PTPRD: variants seen among roughly 807,000 people sequenced by gnomAD.
PTPRD encodes protein tyrosine phosphatase receptor type D.
In PTPRD, 34 loss-of-function variants were observed where a neutral mutation model predicts 214.5. The observed-to-expected ratio is 0.16, with a 90% CI of 0.12 to 0.21. The LOEUF (loss-of-function observed/expected upper bound fraction) is 0.21, where lower values mean the gene tolerates loss of function less well. Ranked by LOEUF, PTPRD falls within the 10% of genes least tolerant of loss-of-function variation. The probability of loss-of-function intolerance (pLI) is 1.00; values close to 1 mark genes in which losing one functional copy is unlikely to be tolerated. For missense variants in PTPRD, 2,545 were observed against 2,398.7 expected (o/e 1.06, Z -1.27); for synonymous variants, 1,128 against 845.7 (o/e 1.33, Z -5.79).
chr9:8,627,212 A>G (rs952844431), intron 14 of PTPRD, among the ~76,000 whole-genome samples: 4 of 151,808 alleles, frequency 2.6e-5, no homozygotes, highest in Admixed American at 6.6e-5. Flanking sequence ...CTGGAAGAAC[A>G]TTGTTCTTCC....
At chr9:9,023,116 T>C (rs1035250201) in intron 10 of PTPRD, among the ~76,000 whole-genome samples, 2 of 152,146 alleles carry the variant, frequency 1.3e-5, no homozygotes, top group Non-Finnish European at 2.9e-5. Flanking sequence ...TTGGTAGGAA[T>C]AAGTGGGATA....
intron 35 of PTPRD, among the ~76,000 whole-genome samples, chr9:8,414,156 T>G (rs1245952756): frequency 6.6e-6 from 1 of 151,972 alleles, no homozygotes; most frequent in Non-Finnish European, 1.5e-5. Flanking sequence ...GCCAAAGGTG[T>G]GATGATGAAA....
chr9:10,555,120 A>C (rs557855413), intron 2 of PTPRD, among the ~76,000 whole-genome samples: 2 of 147,188 alleles, frequency 1.4e-5, no homozygotes, highest in South Asian at 4.1e-4. Flanking sequence ...AAAACAAACA[A>C]CACACAAAAA....
intron 11 of PTPRD, among the ~76,000 whole-genome samples, chr9:8,768,220 C>A (rs2094912516): frequency 6.6e-6 from 1 of 152,040 alleles, no homozygotes; most frequent in Non-Finnish European, 1.5e-5. Context: ...CATAGTGAGA[C>A]CCCCATCTTG....
At chr9:8,651,424 T>A (rs2096805454) in intron 12 of PTPRD, among the ~76,000 whole-genome samples, 1 of 152,168 alleles carries the variant, frequency 6.6e-6, no homozygotes, top group Non-Finnish European at 1.5e-5. Flanking sequence ...CTCAAATTGA[T>A]GTTAATCGGA....
intron 3 of PTPRD, among the ~76,000 whole-genome samples, chr9:10,101,453 T>C (rs1420619138): frequency 6.6e-6 from 1 of 151,650 alleles, no homozygotes; most frequent in Non-Finnish European, 1.5e-5. Flanking sequence ...CCTTCCATCC[T>C]CTGCTAGATA....
chr9:10,280,787 T>A (rs1182729016), intron 3 of PTPRD, among the ~76,000 whole-genome samples: 1 of 151,980 alleles, frequency 6.6e-6, no homozygotes, highest in Admixed American at 6.6e-5. Context: ...TTTTTTTTTT[T>A]TATTTTCTGT....
intron 10 of PTPRD, among the ~76,000 whole-genome samples, chr9:9,144,518 C>G (rs1325383994): frequency 6.6e-6 from 1 of 152,074 alleles, no homozygotes; most frequent in Non-Finnish European, 1.5e-5. Context: ...CTTTGGGAGG[C>G]TGAGGCGGGT....
intron 43 of PTPRD, 102 bp from the exon 44 acceptor site, chr9:8,331,838 AAAAGGGTAG>A (rs1245006735): frequency 3.6e-6 from 5 of 1,381,046 alleles, no homozygotes; most frequent in African/African-American, 2.9e-5. Context: ...CCCGAAAACA[AAAAGGGTAG>A]AAAAAGTTAG....
intron 11 of PTPRD, among the ~76,000 whole-genome samples, chr9:8,773,746 TG>T (rs1296192454): frequency 2.0e-5 from 3 of 152,250 alleles, no homozygotes; most frequent in Non-Finnish European, 4.4e-5. Context: ...TAGCTAATCT[TG>T]TGACTTGTTT....
At chr9:9,236,240 C>A (rs1450651189) in intron 9 of PTPRD, among the ~76,000 whole-genome samples, 1 of 152,064 alleles carries the variant, frequency 6.6e-6, no homozygotes. Context: ...GCAACAAGAA[C>A]AAAACCCCAT....
chr9:8,913,997 T>G (rs1250719881), intron 11 of PTPRD, among the ~76,000 whole-genome samples: 1 of 152,164 alleles, frequency 6.6e-6, no homozygotes, highest in Non-Finnish European at 1.5e-5. Context: ...GTGCTGTTAT[T>G]CTCAGAGAAC....
chr9:10,233,759 AT>A (rs1248740906), intron 3 of PTPRD, among the ~76,000 whole-genome samples: 28 of 151,978 alleles, frequency 1.8e-4, no homozygotes, highest in African/African-American at 6.0e-4. Context: ...CAGCTTGGGA[AT>A]TCGTATAACA....
At chr9:9,614,451 A>G (rs973267045) in intron 7 of PTPRD, among the ~76,000 whole-genome samples, 33 of 152,312 alleles carry the variant, frequency 2.2e-4, no homozygotes, top group Admixed American at 1.4e-3. Flanking sequence ...GCAATGTAAA[A>G]GACTGTTTAA....
chr9:9,108,655 C>T (rs2099802025), intron 10 of PTPRD, among the ~76,000 whole-genome samples: 1 of 152,132 alleles, frequency 6.6e-6, no homozygotes, highest in South Asian at 2.1e-4. Context: ...ATCTTAAATG[C>T]TTTACCCAAG....
chr9:8,892,523 A>G (rs941648799), intron 11 of PTPRD, among the ~76,000 whole-genome samples: 8 of 150,216 alleles, frequency 5.3e-5, no homozygotes, highest in Admixed American at 2.0e-4. Flanking sequence ...ATATATATAT[A>G]TGTGTGTGTA....
intron 12 of PTPRD, among the ~76,000 whole-genome samples, chr9:8,709,805 A>T (rs143799020): frequency 6.6e-6 from 1 of 152,198 alleles, no homozygotes. Context: ...AAAAGTGACT[A>T]GAGTTATAAA....
chr9:9,947,333 G>A (rs1395271947), intron 4 of PTPRD, among the ~76,000 whole-genome samples: 1,402 of 46,680 alleles, frequency 0.03, 88 homozygotes, highest in East Asian at 0.1. Context: ...TATTATATAT[G>A]TATTATATAT....
intron 10 of PTPRD, among the ~76,000 whole-genome samples, chr9:9,102,180 G>T (rs1361930574): frequency 6.6e-6 from 1 of 152,154 alleles, no homozygotes; most frequent in Non-Finnish European, 1.5e-5. Flanking sequence ...AAATATGTAG[G>T]TTGTAGCTGC....
Sources: allele counts gnomAD v4.1 joint callset (sites outside exome capture counted in the v4.1 genomes callset), GRCh38; gene constraint gnomAD v4.1.1; transcripts MANE v1.5; gene names NCBI Gene and HGNC (gene_info 2026-07-23, HGNC 2026-07-21).